The following INTS3 variants were observed in gnomAD, a reference collection of about 807,000 sequenced individuals.
INTS3 encodes integrator complex subunit 3, also known as SOSS complex subunit A.
Under a neutral mutation model 146.3 loss-of-function variants are expected in INTS3, and 34 were observed. That is an observed-to-expected ratio of 0.23 (90% confidence interval 0.18 to 0.31). The LOEUF (loss-of-function observed/expected upper bound fraction) is 0.31, where lower values mean the gene tolerates loss of function less well. INTS3 is among the 10% of genes least tolerant of loss of function. The pLI, the probability that INTS3 is intolerant of heterozygous loss-of-function variation, is 1.00. For synonymous variants in INTS3, 475 were observed against 494.9 expected (o/e 0.96, Z 0.53); for missense variants, 757 against 1,304.2 (o/e 0.58, Z 6.46).
Position 153,728,064 on chromosome 1 carries a change from C to A in INTS3, c.-571C>A. On this transcript the variant is annotated 5_prime_UTR_variant, in exon 1 of 30. Coordinates refer to ENST00000318967, the MANE Select transcript of INTS3 (RefSeq NM_023015.5). ...CCCCGCCCTCCGCCTTCCCACCCCC[C>A]GCCCTTCCACTATGGCCGCTTCTGT... 1.0e-5 allele frequency: 2 copies of A among 192,446 alleles called. No individual in the cohort carries two copies. The highest frequency in any genetic ancestry group is 1.1e-4 in the East Asian group (1 of 9,216). The allele number at this position is 192,446 out of a possible 1,614,324, so 11.9% of individuals were successfully genotyped here.
chr1:153,767,651 C>T, intron 20 of INTS3, 23 bp from the exon 21 acceptor site: 1 of 1,551,736 alleles, frequency 6.4e-7, no homozygotes, highest in African/African-American at 1.4e-5. Context: ...AGGCTGCTGG[C>T]TCAGGCCCAG....
At chr1:153,761,724 C>A (rs997404884) in intron 14 of INTS3, 48 bp downstream of exon 14, 1 of 1,330,060 alleles carries the variant, frequency 7.5e-7, no homozygotes, top group Non-Finnish European at 1.1e-6. Context: ...AGGGGCAAGA[C>A]AACCAGGCCT....
intron 1 of INTS3, among the ~76,000 whole-genome samples, chr1:153,731,575 TC>T (rs1671061138): frequency 7.9e-6 from 1 of 127,100 alleles, no homozygotes; most frequent in Admixed American, 8.2e-5. Flanking sequence ...CCCAAGAGCG[TC>T]CTCTTTTTTT....
chr1:153,760,766 T>G, intron 12 of INTS3, 61 bp from the exon 13 acceptor site: 1 of 1,328,008 alleles, frequency 7.5e-7, no homozygotes, highest in South Asian at 1.2e-5. Flanking sequence ...TCAGATCTAA[T>G]TCAGCGGAAG....
rs1671772478 is a variant in INTS3 at position 153,747,019 on chromosome 1, C to T, written c.381C>T (p.Asn127=). The T allele has an allele frequency of 6.2e-7, 1 of 1,613,760 alleles. No individual in the cohort carries two copies. Among genetic ancestry groups the T allele is most frequent in the Non-Finnish European group, 8.5e-7 (1 of 1,179,836 alleles). The change falls in exon 4 of 30, where the codon AAC becomes AAT. Residue 127 remains asparagine (N), a synonymous_variant. Coordinates refer to ENST00000318967, the MANE Select transcript of INTS3 (RefSeq NM_023015.5). ...DGMNIVLNKI[N]QILMEKYLKL... Reference sequence around the variant, plus strand: ...TGAATATTGTCCTGAATAAAATCAACCAGATACTTATGGAGAAGTACCTGA... The same window carrying T: ...TGAATATTGTCCTGAATAAAATCAATCAGATACTTATGGAGAAGTACCTGA...
Position 153,772,602 on chromosome 1 carries a change from T to G in INTS3, c.2822-37T>G. Reference sequence around the variant, plus strand: ...TTTAATAAGCTCCCAGACATCTGATTGTTTTTCCTTCCCTGCTCTCCCTTT... The same window carrying G: ...TTTAATAAGCTCCCAGACATCTGATGGTTTTTCCTTCCCTGCTCTCCCTTT... On this transcript the variant is annotated intron_variant, in intron 27 of 29. Coordinates refer to ENST00000318967, the MANE Select transcript of INTS3 (RefSeq NM_023015.5). This position sits in a 1 kb window ranked among gnomAD's most constrained non-coding sequence, Gnocchi z 4.6. 1 of 1,614,036 alleles carries G rather than the reference T, an allele frequency of 6.2e-7. No homozygotes were observed. Among genetic ancestry groups the G allele is most frequent in the Non-Finnish European group, 8.5e-7 (1 of 1,179,946 alleles).
chr1:153,758,265 G>A (rs1672236038), intron 10 of INTS3, among the ~76,000 whole-genome samples: 1 of 152,140 alleles, frequency 6.6e-6, no homozygotes, highest in Non-Finnish European at 1.5e-5. Context: ...GCTGCCCCCT[G>A]ACCTCTTCCA....
In INTS3 at chr1:153,728,863, G is replaced by C. The variant is rs546042644; in HGVS notation, c.150+79G>C. The C allele has an allele frequency of 2.8e-4, 160 of 563,752 alleles. No individual in the cohort carries two copies. In the African/African-American group the frequency reaches 3.0e-3, roughly 11 times the overall value. The allele number at this position is 563,752 out of a possible 1,614,324, so 34.9% of individuals were successfully genotyped here. On this transcript the variant is annotated intron_variant, in intron 1 of 29. Transcript: ENST00000318967. ...GGAGCGGATACCGGGTGGGAGGACG[G>C]GGGGTGGGGGCGGGGGTGGAGGCTT... is the stretch of plus-strand genomic sequence containing the variant.
chr1:153,758,566 G>A (rs967941780), intron 10 of INTS3, among the ~76,000 whole-genome samples: 3 of 152,134 alleles, frequency 2.0e-5, no homozygotes, highest in African/African-American at 7.2e-5. Flanking sequence ...CCAGCACTTT[G>A]GGAGGTTGAG....
intron 22 of INTS3, 98 bp downstream of exon 22, chr1:153,769,059 T>G: frequency 1.0e-6 from 1 of 961,432 alleles, no homozygotes; most frequent in Non-Finnish European, 1.6e-6. Flanking sequence ...AGGGAGCCCA[T>G]GCCTCCCAGG....
At position 153,770,211 on chromosome 1, in the gene INTS3, C is replaced by T. The variant is rs1241203281; in HGVS notation, c.2403C>T (p.Asp801=). 6.2e-7 allele frequency: 1 copy of T among 1,609,048 alleles called. No individual in the cohort carries two copies. The highest frequency in any genetic ancestry group is 2.2e-5 in the East Asian group (1 of 44,840). Residue 801 remains aspartate, a synonymous_variant, in exon 24 of 30, where the codon GAC becomes GAT. Transcript: ENST00000318967. ...TGTCTCTTCCAGTTCAGAGCCTAGA[C>T]TGGGAGACCTTTGAGCAGTATTGTG... ...SVLNILIQSL[D]WETFEQYCAW...
Position 153,772,768 on chromosome 1 carries a change from A to G in INTS3, c.2894+57A>G. 1.3e-6 allele frequency: 2 copies of G among 1,597,150 alleles called. No homozygotes were observed. Among genetic ancestry groups the G allele is most frequent in the South Asian group, 1.1e-5 (1 of 89,652 alleles). ...GTAGTAGGGGAAAAGCCTAAGGGAG[A>G]GGAAGCCTGCTAGGGACATAAACGT... is the stretch of plus-strand genomic sequence containing the variant. On this transcript the variant is annotated intron_variant, in intron 28 of 29. Coordinates refer to ENST00000318967, the MANE Select transcript of INTS3 (RefSeq NM_023015.5). This position sits in a 1 kb window ranked among gnomAD's most constrained non-coding sequence, Gnocchi z 4.6.
At chr1:153,740,520 G>T in intron 1 of INTS3, 131 bp from the exon 2 acceptor site, 1 of 687,542 alleles carries the variant, frequency 1.5e-6, no homozygotes, top group South Asian at 1.6e-5. Context: ...TCCTCATGGT[G>T]ACTTTATAAG....
At chr1:153,742,476 C>CTGTGTGTGTGTG (rs1161319800) in intron 3 of INTS3, among the ~76,000 whole-genome samples, 1 of 60,306 alleles carries the variant, frequency 1.7e-5, no homozygotes, top group African/African-American at 7.8e-5. Flanking sequence ...GTTTTTTAAT[C>CTGTGTGTGTGTG]TCTGTGTGTG....
At chr1:153,740,882 CT>C in intron 2 of INTS3, 148 bp downstream of exon 2, 1 of 694,166 alleles carries the variant, frequency 1.4e-6, no homozygotes, top group Non-Finnish European at 2.6e-6. Flanking sequence ...CAATTCTTCT[CT>C]TTTACTGTGG....
intron 9 of INTS3, among the ~76,000 whole-genome samples, chr1:153,755,490 C>T (rs1416119896): frequency 6.6e-6 from 1 of 152,212 alleles, no homozygotes; most frequent in South Asian, 2.1e-4. Flanking sequence ...GAACTTCCGA[C>T]CTCAGGTGAT....
intron 20 of INTS3, chr1:153,767,400 TTC>T: frequency 2.7e-6 from 1 of 374,020 alleles, no homozygotes; most frequent in South Asian, 7.1e-5. Flanking sequence ...GCCCTCCCTC[TTC>T]TGTTCCTGAC....
At position 153,773,248 on chromosome 1, in the gene INTS3, C is replaced by T. The variant is rs1330632373; in HGVS notation, c.3107C>T (p.Ala1036Val). 1 of 1,614,050 alleles carries T rather than the reference C, an allele frequency of 6.2e-7. No individual in the cohort carries two copies. The highest frequency in any genetic ancestry group is 2.2e-5 in the East Asian group (1 of 44,844). The part of the protein sequence containing the change: ...PTKRKRKGSS[A>V]VGSDSD ...AAGCGGAAACGAAAAGGGTCCTCTG[C>T]AGTGGGCTCTGACAGTGACTGAGGC... The change falls in exon 30 of 30, where the codon GCA (alanine) becomes GTA (valine). Residue 1036 changes from alanine to valine, a missense_variant. Around this residue, in one of 8 missense-constraint regions of INTS3, gnomAD observed 125 missense variants for 165.6 expected, o/e 0.75. Coordinates refer to ENST00000318967, the MANE Select transcript of INTS3 (RefSeq NM_023015.5).
At chr1:153,741,221 A>G in intron 2 of INTS3, 64 bp from the exon 3 acceptor site, 1 of 1,195,786 alleles carries the variant, frequency 8.4e-7, no homozygotes, top group Non-Finnish European at 1.3e-6. Context: ...TCTGGGAGAA[A>G]CTGAGTTTGA....
Sources: gnomAD v4.1 joint callset for allele counts (sites outside exome capture counted in the v4.1 genomes callset) on GRCh38, gnomAD v4.1.1 for gene constraint, gnomAD v4.1.1 regional missense constraint, Gnocchi (gnomAD v3.1) non-coding constraint, MANE v1.5 for transcripts, NCBI Gene and HGNC (gene_info 2026-07-23, HGNC 2026-07-21) for gene names.